Variants in ZFYVE28 observed in about 807,000 individuals in gnomAD.
ZFYVE28 encodes lateral signaling target protein 2 homolog.
ZFYVE28 carries 40 observed loss-of-function variants against 82.1 expected under a neutral mutation model. The ratio of observed to expected loss-of-function variants is 0.49; its 90% CI spans 0.38 to 0.63. ZFYVE28 has a LOEUF of 0.63. ZFYVE28 is among the 30% of genes least tolerant of loss of function. The probability of loss-of-function intolerance (pLI) is 0.00; values close to 1 mark genes in which losing one functional copy is unlikely to be tolerated. For missense variants in ZFYVE28, 1,321 were observed against 1,242.1 expected, an observed-to-expected ratio of 1.06 and a Z score of -0.96; for synonymous variants, 612 against 546.1, an observed-to-expected ratio of 1.12 and a Z score of -1.68.
At chr4:2,406,065 A>C (rs1157467398) in intron 1 of ZFYVE28, among the ~76,000 whole-genome samples, 2 of 145,014 alleles carry the variant, frequency 1.4e-5, no homozygotes, top group Non-Finnish European at 3.0e-5. Context: ...AAAAAAAAAA[A>C]GAAAGAAAGA....
In ZFYVE28 at chr4:2,417,020, G is replaced by C. The variant is rs767839571; in HGVS notation, c.39+1265C>G. 4.3e-4 allele frequency among the ~76,000 whole-genome samples: 66 copies of C among 152,364 alleles called. No individual in the cohort carries two copies. In the Middle Eastern group the frequency reaches 0.01, roughly 24 times the overall value. ...CTGGAATGGGCGCACGCGAGGCACG[G>C]ATTTCAGGAAACCTCTGCCGTGACA... On this transcript the variant is annotated intron_variant, in intron 1 of 12. Coordinates refer to ENST00000290974, the MANE Select transcript of ZFYVE28 (RefSeq NM_020972.3). The surrounding 1 kb of genome is among the most constrained non-coding windows in gnomAD (Gnocchi z 4.8).
In ZFYVE28 at chr4:2,360,608, C is replaced by G. The variant is rs530614977; in HGVS notation, c.40-6535G>C. Among the ~76,000 whole-genome samples the G allele has an allele frequency of 2.0e-5, 3 of 152,276 alleles. No individual in the cohort carries two copies. The East Asian group carries it at 5.8e-4, about 29-fold the overall frequency. On this transcript the variant is annotated intron_variant, in intron 1 of 12. Coordinates refer to ENST00000290974, the MANE Select transcript of ZFYVE28 (RefSeq NM_020972.3). Reference sequence around the variant, plus strand: ...TATTCATTGTGTCAGTCATCCCACCCAGACCCCTCACTGTGAGCAGACACC... The same window carrying G: ...TATTCATTGTGTCAGTCATCCCACCGAGACCCCTCACTGTGAGCAGACACC...
intron 1 of ZFYVE28, among the ~76,000 whole-genome samples, chr4:2,358,392 C>T (rs1273595094): frequency 2.6e-5 from 4 of 152,192 alleles, no homozygotes; most frequent in South Asian, 2.1e-4. Context: ...TAGAAACGGG[C>T]GCTCATCACC....
chr4:2,406,062 A>AG (rs11451239), intron 1 of ZFYVE28, among the ~76,000 whole-genome samples: 19 of 125,074 alleles, frequency 1.5e-4, no homozygotes, highest in South Asian at 2.6e-4. Context: ...AAAAAAAAAA[A>AG]AAAGAAAGAA....
intron 6 of ZFYVE28, among the ~76,000 whole-genome samples, chr4:2,323,677 A>G (rs985342083): frequency 7.0e-5 from 10 of 143,820 alleles, no homozygotes; most frequent in East Asian, 6.5e-4. Flanking sequence ...ATATCTCCCA[A>G]TGCTATCCCT....
intron 1 of ZFYVE28, among the ~76,000 whole-genome samples, chr4:2,374,053 C>T (rs1466386540): frequency 2.0e-5 from 3 of 152,168 alleles, no homozygotes; most frequent in Admixed American, 1.3e-4. Flanking sequence ...TTCATCCAAC[C>T]CATGGGTCTC....
intron 1 of ZFYVE28, chr4:2,364,913 G>C (rs909577918): frequency 3.0e-6 from 3 of 985,466 alleles, no homozygotes; most frequent in Admixed American, 6.1e-5. Context: ...CGGAGGGACA[G>C]TGGAGGCGGG....
chr4:2,388,948 C>A (rs1463939995), intron 1 of ZFYVE28, among the ~76,000 whole-genome samples: 1 of 152,190 alleles, frequency 6.6e-6, no homozygotes, highest in Non-Finnish European at 1.5e-5. Context: ...GAGTCCTGCC[C>A]ACAGAGAGGG....
chr4:2,339,650 C>G lies in ZFYVE28; in HGVS notation c.324G>C (p.Leu108=). The G allele has an allele frequency of 6.3e-7, 1 of 1,597,360 alleles. No homozygotes were observed. Among genetic ancestry groups the G allele is most frequent in the African/African-American group, 1.3e-5 (1 of 74,758 alleles). The change falls in exon 4 of 13, where the codon CTG becomes CTC. Residue 108 remains leucine (L), a synonymous_variant. Transcript: ENST00000290974. The surrounding 1 kb of genome is among the most constrained non-coding windows in gnomAD (Gnocchi z 5.0). ...GGTTCATGATGATGGAGCCGGCGGCCAGGCACTGCGGGAGGGGACACACTC... is the reference window on the plus strand; with the variant it reads ...GGTTCATGATGATGGAGCCGGCGGCGAGGCACTGCGGGAGGGGACACACTC... The part of the protein sequence containing the change: ...AGQLWFGAEC[L]AAGSIIMNRE...
chr4:2,396,875 G>A (rs113147351), intron 1 of ZFYVE28, among the ~76,000 whole-genome samples: 4,883 of 152,282 alleles, frequency 0.032, 277 homozygotes, highest in African/African-American at 0.11. Context: ...GCTTAACTCC[G>A]ACTGACACGG....
At chr4:2,274,464 GGCC>G (rs1311475420) in intron 8 of ZFYVE28, among the ~76,000 whole-genome samples, 2 of 152,102 alleles carry the variant, frequency 1.3e-5, no homozygotes, top group African/African-American at 4.8e-5. Flanking sequence ...ATTTCTGCTG[GGCC>G]TCCTGGAATT....
At chr4:2,411,034 A>C (rs1732467044) in intron 1 of ZFYVE28, among the ~76,000 whole-genome samples, 1 of 152,210 alleles carries the variant, frequency 6.6e-6, no homozygotes, top group African/African-American at 2.4e-5. Context: ...CAAAGAAAAA[A>C]ACATTGCCCT....
intron 8 of ZFYVE28, among the ~76,000 whole-genome samples, chr4:2,281,046 C>A (rs1171466698): frequency 6.6e-6 from 1 of 152,206 alleles, no homozygotes; most frequent in African/African-American, 2.4e-5. Flanking sequence ...CCATCTCAAC[C>A]CCAGACACCC....
At chr4:2,325,592 C>CTTTTTTTTT (rs58460729) in intron 6 of ZFYVE28, among the ~76,000 whole-genome samples, 3 of 122,194 alleles carry the variant, frequency 2.5e-5, no homozygotes, top group Non-Finnish European at 5.0e-5. Flanking sequence ...TTAAATCTTA[C>CTTTTTTTTT]TTTTTTTTTT....
chr4:2,405,403 C>CTTGGAT (rs1731766563), intron 1 of ZFYVE28, among the ~76,000 whole-genome samples: 1 of 152,210 alleles, frequency 6.6e-6, no homozygotes, highest in African/African-American at 2.4e-5. Context: ...ATGGGACTTC[C>CTTGGAT]TTGGATTTCA....
Position 2,332,313 on chromosome 4 carries a change from T to G in ZFYVE28, c.701+3392A>C, listed in dbSNP as rs1720837897. On this transcript the variant is annotated intron_variant, in intron 6 of 12. Coordinates refer to ENST00000290974, the MANE Select transcript of ZFYVE28 (RefSeq NM_020972.3). The surrounding 1 kb of genome is among the most constrained non-coding windows in gnomAD (Gnocchi z 4.7). The stretch of plus-strand genomic sequence containing the variant: ...TGCAGGCTAGAGGGGTCTTCATTTC[T>G]GCAGAAGTTCCTGCGGCCCCCTGGT... Among the ~76,000 whole-genome samples the G allele has an allele frequency of 6.6e-6, 1 of 152,178 alleles. No individual in the cohort carries two copies. The highest frequency in any genetic ancestry group is 6.5e-5 in the Admixed American group (1 of 15,286).
At chr4:2,294,632 A>G (rs1714255723) in intron 8 of ZFYVE28, among the ~76,000 whole-genome samples, 1 of 152,360 alleles carries the variant, frequency 6.6e-6, no homozygotes, top group Admixed American at 6.5e-5. Flanking sequence ...TTGCTCTTCA[A>G]AAGATACTGT....
chr4:2,291,901 C>G (rs1327002668), intron 8 of ZFYVE28, among the ~76,000 whole-genome samples: 3 of 152,160 alleles, frequency 2.0e-5, no homozygotes, highest in African/African-American at 7.2e-5. Context: ...GGGTGGGGAG[C>G]AGAGGGGGCC....
chr4:2,386,210 C>T (rs181383727), intron 1 of ZFYVE28, among the ~76,000 whole-genome samples: 109 of 152,164 alleles, frequency 7.2e-4, no homozygotes, highest in Non-Finnish European at 1.2e-3. Flanking sequence ...GCTGGCTGCA[C>T]GCAGTGGCTC....
Sources: allele counts gnomAD v4.1 joint callset (sites outside exome capture counted in the v4.1 genomes callset), GRCh38; gene constraint gnomAD v4.1.1; non-coding constraint Gnocchi (gnomAD v3.1); transcripts MANE v1.5; gene names NCBI Gene and HGNC (gene_info 2026-07-23, HGNC 2026-07-21).